The following GABRG3 variants were observed in gnomAD, a reference collection of about 807,000 sequenced individuals.
GABRG3 encodes the protein gamma-aminobutyric acid type A receptor subunit gamma3, also known as gamma-aminobutyric acid receptor subunit gamma-3.
Under a neutral mutation model 48.8 loss-of-function variants are expected in GABRG3, and 25 were observed. That is an observed-to-expected ratio of 0.51 (90% confidence interval 0.37 to 0.72). The LOEUF (loss-of-function observed/expected upper bound fraction) is 0.72, where lower values mean the gene tolerates loss of function less well. GABRG3 is among the 30% of genes least tolerant of loss of function. GABRG3 has a pLI of 0.00. For missense variants in GABRG3, 394 were observed against 577.9 expected, an observed-to-expected ratio of 0.68 and a Z score of 3.26; for synonymous variants, 227 against 217.6, an observed-to-expected ratio of 1.04 and a Z score of -0.38.
chr15:27,351,919 GTGTT>G (rs199826492), intron 5 of GABRG3, among the ~76,000 whole-genome samples: 59 of 149,962 alleles, frequency 3.9e-4, no homozygotes, highest in South Asian at 8.5e-4. Flanking sequence ...TAGTGTGTGT[GTGTT>G]TGTGTGTGTA....
intron 5 of GABRG3, among the ~76,000 whole-genome samples, chr15:27,397,031 A>G (rs4238490): frequency 0.38 from 57,369 of 152,018 alleles, 12,084 homozygotes; most frequent in East Asian, 0.69. Context: ...AAGACTATGC[A>G]TTTGTCAAAC....
chr15:27,159,620 A>T (rs1898526409), intron 3 of GABRG3, among the ~76,000 whole-genome samples: 2 of 152,102 alleles, frequency 1.3e-5, no homozygotes, highest in Admixed American at 1.3e-4. Context: ...GTTCTCAGCT[A>T]CATTGATGCC....
intron 5 of GABRG3, among the ~76,000 whole-genome samples, chr15:27,341,248 T>C (rs1256784193): frequency 6.6e-6 from 1 of 152,164 alleles, no homozygotes; most frequent in Non-Finnish European, 1.5e-5. Context: ...TTTAAGTATG[T>C]TTTTTCTTTT....
chr15:27,154,830 A>T (rs1566949197), intron 3 of GABRG3, among the ~76,000 whole-genome samples: 1 of 152,002 alleles, frequency 6.6e-6, no homozygotes. Flanking sequence ...TATCAGGATG[A>T]TGGGGCTTCA....
At chr15:27,251,749 T>C (rs1890462272) in intron 3 of GABRG3, among the ~76,000 whole-genome samples, 1 of 151,848 alleles carries the variant, frequency 6.6e-6, no homozygotes, top group Non-Finnish European at 1.5e-5. Flanking sequence ...ACAAGTAGAG[T>C]TGGTTCTGTA....
chr15:27,286,254 G>A (rs1009994794), intron 3 of GABRG3, among the ~76,000 whole-genome samples: 1 of 152,162 alleles, frequency 6.6e-6, no homozygotes, highest in Non-Finnish European at 1.5e-5. Context: ...ACTTGCTTTA[G>A]GATTTACAAA....
chr15:27,242,064 C>T (rs1161073242), intron 3 of GABRG3, among the ~76,000 whole-genome samples: 1 of 152,156 alleles, frequency 6.6e-6, no homozygotes, highest in Non-Finnish European at 1.5e-5. Context: ...CTGCTGTGTC[C>T]CGAATTGCTT....
In GABRG3 at chr15:27,540,494, G is replaced by A. The variant is rs1317278597; in HGVS notation, c.*7613G>A. ...GGCATTTTTACTTTGAATAGAAATA[G>A]TCACAGGCAAAATATATTCATGAAA... On this transcript the variant is annotated 3_prime_UTR_variant, in exon 10 of 10. Transcript: ENST00000615808. The A allele has an allele frequency of 6.6e-6, 1 of 152,156 alleles. No individual in the cohort carries two copies. Among genetic ancestry groups the A allele is most frequent in the East Asian group, 1.9e-4 (1 of 5,198 alleles). 9.4% of individuals were successfully genotyped at this position (152,156 alleles called of 1,614,324 possible).
chr15:27,454,456 G>T (rs374912987), intron 5 of GABRG3, among the ~76,000 whole-genome samples: 4 of 152,160 alleles, frequency 2.6e-5, no homozygotes, highest in African/African-American at 9.7e-5. Context: ...GAAAAACATG[G>T]TAGAAAGGTC....
Position 26,971,586 on chromosome 15 carries a change from G to A in GABRG3, c.51G>A (p.Ala17=). ...TCTGCCTGTTCTCGGGCTTGCACGC[G>A]CGGTAAGTGGCGCGGGGGCCGCATC... ...LLLCLFSGLH[A]RSRKVEEDEY... The change falls in exon 1 of 10, where the codon GCG becomes GCA. Residue 17 remains alanine, a splice_region_variant and synonymous_variant. Transcript: ENST00000615808. 2.0e-6 allele frequency: 3 copies of A among 1,528,242 alleles called. No individual in the cohort carries two copies. The highest frequency in any genetic ancestry group is 1.8e-6 in the Non-Finnish European group (2 of 1,138,542). 94.7% of individuals were successfully genotyped at this position (1,528,242 alleles called of 1,614,324 possible).
chr15:27,436,006 G>T (rs1049335827), intron 5 of GABRG3, among the ~76,000 whole-genome samples: 1 of 152,214 alleles, frequency 6.6e-6, no homozygotes, highest in African/African-American at 2.4e-5. Flanking sequence ...GGTAGAGATG[G>T]AAAGCAGTGA....
chr15:27,435,035 T>G (rs1281015172), intron 5 of GABRG3, among the ~76,000 whole-genome samples: 2 of 152,064 alleles, frequency 1.3e-5, no homozygotes, highest in African/African-American at 4.8e-5. Context: ...GCCTTTGTGC[T>G]CACTCCCCTC....
chr15:27,240,604 A>G (rs1230956908), intron 3 of GABRG3, among the ~76,000 whole-genome samples: 2 of 152,260 alleles, frequency 1.3e-5, no homozygotes, highest in Admixed American at 1.3e-4. Context: ...ATGTTAAAAT[A>G]TAACAGGGAA....
At chr15:27,262,065 T>C (rs1410798165) in intron 3 of GABRG3, among the ~76,000 whole-genome samples, 1 of 152,196 alleles carries the variant, frequency 6.6e-6, no homozygotes, top group Admixed American at 6.5e-5. Context: ...ATTCTTTCCC[T>C]TCTAGACTTC....
intron 3 of GABRG3, among the ~76,000 whole-genome samples, chr15:27,097,621 C>T (rs936020275): frequency 2.0e-5 from 3 of 152,034 alleles, no homozygotes; most frequent in South Asian, 2.1e-4. Context: ...TTCACCCTGC[C>T]GCAGAGACAC....
chr15:27,327,525 G>T (rs569066994), intron 4 of GABRG3, among the ~76,000 whole-genome samples: 3 of 152,128 alleles, frequency 2.0e-5, no homozygotes, highest in Admixed American at 6.5e-5. Context: ...GAACTGACTC[G>T]CCCACAGTCA....
intron 3 of GABRG3, among the ~76,000 whole-genome samples, chr15:27,278,529 G>A (rs181162936): frequency 6.6e-6 from 1 of 152,116 alleles, no homozygotes; most frequent in Non-Finnish European, 1.5e-5. Flanking sequence ...CCAAGAGTGG[G>A]TTTTGAATTG....
At chr15:27,282,544 C>T (rs1378042748) in intron 3 of GABRG3, among the ~76,000 whole-genome samples, 2 of 152,134 alleles carry the variant, frequency 1.3e-5, no homozygotes, top group Non-Finnish European at 2.9e-5. Context: ...TTTTTCAGTT[C>T]TAACATTTCC....
At chr15:27,355,147 A>T (rs191654622) in intron 5 of GABRG3, among the ~76,000 whole-genome samples, 1 of 152,152 alleles carries the variant, frequency 6.6e-6, no homozygotes, top group Non-Finnish European at 1.5e-5. Flanking sequence ...TAGACTGTTC[A>T]TGTCTCAATA....
Sources: gnomAD v4.1 joint callset for allele counts (sites outside exome capture counted in the v4.1 genomes callset) on GRCh38, gnomAD v4.1.1 for gene constraint, MANE v1.5 for transcripts, NCBI Gene and HGNC (gene_info 2026-07-23, HGNC 2026-07-21) for gene names.